The following SLC39A12 variants were observed in gnomAD, a reference collection of about 807,000 sequenced individuals.
SLC39A12 encodes the protein solute carrier family 39 member 12.
A neutral mutation model predicts 71.1 loss-of-function variants in SLC39A12; 63 were observed. The ratio of observed to expected loss-of-function variants is 0.89; its 90% confidence interval spans 0.72 to 1.09. SLC39A12 has a LOEUF of 1.09. Ranked by LOEUF, SLC39A12 falls within the 50% of genes least tolerant of loss-of-function variation. The pLI is 0.00. For missense variants in SLC39A12, 892 were observed against 812.6 expected (o/e 1.10, Z -1.19); for synonymous variants, 351 against 301.3 (o/e 1.16, Z -1.71).
intron 4 of SLC39A12, among the ~76,000 whole-genome samples, chr10:17,968,302 A>T (rs1044951304): frequency 2.6e-5 from 4 of 152,128 alleles, no homozygotes; most frequent in African/African-American, 4.8e-5. Context: ...CTGCATCCTT[A>T]TTATGTTTCT....
intron 5 of SLC39A12, among the ~76,000 whole-genome samples, chr10:17,980,722 G>T (rs150546946): frequency 1.3e-4 from 20 of 152,156 alleles, no homozygotes; most frequent in Non-Finnish European, 2.5e-4. Context: ...GTTTTCAACT[G>T]TGTGTGTGTC....
intron 9 of SLC39A12, among the ~76,000 whole-genome samples, chr10:17,993,980 AG>A: frequency 6.6e-6 from 1 of 152,354 alleles, no homozygotes; most frequent in East Asian, 1.9e-4. Context: ...AGTAGAAATG[AG>A]GAGGCTATTC....
intron 12 of SLC39A12, among the ~76,000 whole-genome samples, chr10:18,010,073 C>T (rs969820800): frequency 6.6e-6 from 1 of 152,062 alleles, no homozygotes; most frequent in East Asian, 1.9e-4. Context: ...AATATTGATC[C>T]CATTCCCTCC....
At chr10:17,986,060 G>T (rs1042460464) in intron 6 of SLC39A12, among the ~76,000 whole-genome samples, 1 of 152,158 alleles carries the variant, frequency 6.6e-6, no homozygotes, top group Non-Finnish European at 1.5e-5. Flanking sequence ...TCCAAAACGT[G>T]TACTCATTTT....
chr10:17,998,968 A>G (rs759313957), intron 10 of SLC39A12, among the ~76,000 whole-genome samples: 8 of 149,680 alleles, frequency 5.3e-5, no homozygotes, highest in Non-Finnish European at 1.0e-4. Flanking sequence ...ATTGAGCACA[A>G]TTATTAGAAT....
rs1440485461 is a variant in SLC39A12, at chr10:18,039,493, T to A, written c.1948-3212T>A. Among the ~76,000 whole-genome samples, 5 of 152,202 alleles carry A rather than the reference T, an allele frequency of 3.3e-5. No individual in the cohort carries two copies. The East Asian group carries it at 9.6e-4, about 29-fold the overall frequency. ...CTGTAATTCCAACACTTTGGAAAGC[T>A]GAGGCAGGAAGATCAGTTGAGCCCC... On this transcript the variant is annotated intron_variant, in intron 12 of 12. Transcript: ENST00000377369.
At chr10:17,986,954 A>G (rs2148599) in intron 6 of SLC39A12, among the ~76,000 whole-genome samples, 64,968 of 152,034 alleles carry the variant, frequency 0.43, 14,353 homozygotes, top group East Asian at 0.55. Flanking sequence ...ATAGTGAGCT[A>G]TAATCACACC....
intron 7 of SLC39A12, among the ~76,000 whole-genome samples, chr10:17,989,538 A>G (rs2130822795): frequency 6.6e-6 from 1 of 152,310 alleles, no homozygotes; most frequent in East Asian, 1.9e-4. Flanking sequence ...GGTGGACTTG[A>G]GGATGGGTGC....
intron 12 of SLC39A12, among the ~76,000 whole-genome samples, chr10:18,025,176 T>G (rs1013370700): frequency 6.6e-6 from 1 of 152,152 alleles, no homozygotes; most frequent in South Asian, 2.1e-4. Flanking sequence ...TTCACATTTT[T>G]TTTGCCTTTT....
intron 4 of SLC39A12, among the ~76,000 whole-genome samples, chr10:17,968,579 G>C (rs1834891285): frequency 6.6e-6 from 1 of 151,766 alleles, no homozygotes; most frequent in South Asian, 2.1e-4. Flanking sequence ...TCTGAGAATG[G>C]CTTTTTTAAA....
At chr10:18,037,225 T>G (rs1273557730) in intron 12 of SLC39A12, among the ~76,000 whole-genome samples, 2 of 152,202 alleles carry the variant, frequency 1.3e-5, no homozygotes, top group Non-Finnish European at 2.9e-5. Flanking sequence ...ATTTATTAAG[T>G]GTTGATTATT....
chr10:18,035,485 G>A (rs1238194817), intron 12 of SLC39A12, among the ~76,000 whole-genome samples: 1 of 146,212 alleles, frequency 6.8e-6, no homozygotes, highest in Non-Finnish European at 1.5e-5. Flanking sequence ...TCGAGCCTTG[G>A]TTTTCAGCTC....
At chr10:18,023,728 G>A (rs985115417) in intron 12 of SLC39A12, among the ~76,000 whole-genome samples, 2 of 152,196 alleles carry the variant, frequency 1.3e-5, no homozygotes, top group Admixed American at 1.3e-4. Flanking sequence ...CAGCCCAAGG[G>A]TAGCAAGGGT....
chr10:18,029,196 C>A (rs529556723), intron 12 of SLC39A12, among the ~76,000 whole-genome samples: 2 of 152,106 alleles, frequency 1.3e-5, no homozygotes, highest in Non-Finnish European at 2.9e-5. Context: ...ATGTCACTTT[C>A]TAAAATGTTC....
At chr10:17,984,127 C>T (rs1333914943) in intron 6 of SLC39A12, among the ~76,000 whole-genome samples, 1 of 152,180 alleles carries the variant, frequency 6.6e-6, no homozygotes, top group East Asian at 1.9e-4. Flanking sequence ...ACTTTAGAAC[C>T]TGTCTGCAAG....
chr10:17,953,411 C>G lies in SLC39A12; in HGVS notation c.135C>G (p.Asp45Glu). 6.2e-7 allele frequency: 1 copy of G among 1,614,170 alleles called. No individual in the cohort carries two copies. The highest frequency in any genetic ancestry group is 8.5e-7 in the Non-Finnish European group (1 of 1,180,040). ...RSRGSSGQPA[D>E]LLQVLSAGDH... is the part of the protein sequence containing the mutation. The stretch of plus-strand genomic sequence containing the variant: ...GTGGGAGTTCAGGCCAACCGGCAGA[C>G]CTGCTACAGGTTCTCTCTGCTGGTG... The change falls in exon 2 of 13, where the codon GAC (aspartate) becomes GAG (glutamate). Residue 45 changes from aspartate (D) to glutamate (E), a missense_variant. Physicochemically the swap from Asp to Glu is conservative, Grantham distance 45. Transcript: ENST00000377369.
chr10:18,012,242 G>GA (rs1174278565), intron 12 of SLC39A12, among the ~76,000 whole-genome samples: 1 of 151,882 alleles, frequency 6.6e-6, no homozygotes, highest in South Asian at 2.1e-4. Flanking sequence ...TGAATTCCAT[G>GA]AAAAAAAGGA....
At chr10:18,029,454 A>C (rs770685246) in intron 12 of SLC39A12, among the ~76,000 whole-genome samples, 5 of 152,252 alleles carry the variant, frequency 3.3e-5, no homozygotes, top group Non-Finnish European at 7.4e-5. Context: ...CTTTGCACCT[A>C]CTGATTTAGG....
At chr10:18,002,882 A>G (rs1309116553) in intron 11 of SLC39A12, 2 of 237,068 alleles carry the variant, frequency 8.4e-6, no homozygotes, top group African/African-American at 4.5e-5. Flanking sequence ...TAAGTTGGAA[A>G]TGTCAGAGGA....
Sources: gnomAD v4.1 joint callset for allele counts (sites outside exome capture counted in the v4.1 genomes callset) on GRCh38, gnomAD v4.1.1 for gene constraint, MANE v1.5 for transcripts, NCBI Gene and HGNC (gene_info 2026-07-23, HGNC 2026-07-21) for gene names.